The following ARHGAP15 variants were observed in gnomAD, a reference collection of about 807,000 sequenced individuals.
ARHGAP15 encodes the protein rho GTPase-activating protein 15.
ARHGAP15 carries 51 observed loss-of-function variants against 63.7 expected under a neutral mutation model. The ratio of observed to expected loss-of-function variants is 0.80; its 90% confidence interval spans 0.64 to 1.01. ARHGAP15 has a LOEUF of 1.01. Ranked by LOEUF, ARHGAP15 falls within the 50% of genes least tolerant of loss-of-function variation. The pLI is 0.00. For missense variants in ARHGAP15, 560 were observed against 564.6 expected (o/e 0.99, Z 0.08); for synonymous variants, 191 against 193.8 (o/e 0.99, Z 0.12).
chr2:143,507,532 C>A (rs1413772609), intron 9 of ARHGAP15, among the ~76,000 whole-genome samples: 1 of 152,162 alleles, frequency 6.6e-6, no homozygotes, highest in African/African-American at 2.4e-5. Flanking sequence ...TCATTTCATT[C>A]TTATTCTCAG....
chr2:143,717,051 A>G (rs1284877630), intron 13 of ARHGAP15, among the ~76,000 whole-genome samples: 1 of 152,208 alleles, frequency 6.6e-6, no homozygotes, highest in Non-Finnish European at 1.5e-5. Flanking sequence ...CCATGTCAAC[A>G]TTTATTAATG....
intron 3 of ARHGAP15, among the ~76,000 whole-genome samples, chr2:143,212,810 A>G (rs1013436689): frequency 1.3e-5 from 2 of 152,230 alleles, no homozygotes; most frequent in East Asian, 1.9e-4. Context: ...AGGCTCCCAG[A>G]ATAACTGATT....
chr2:143,758,018 G>A (rs1007571996), intron 13 of ARHGAP15, among the ~76,000 whole-genome samples: 2 of 152,024 alleles, frequency 1.3e-5, no homozygotes, highest in Non-Finnish European at 2.9e-5. Flanking sequence ...GGATTTCACT[G>A]TAGCATTGTC....
At chr2:143,575,042 A>G (rs369873263) in intron 11 of ARHGAP15, among the ~76,000 whole-genome samples, 3 of 152,158 alleles carry the variant, frequency 2.0e-5, no homozygotes, top group East Asian at 1.9e-4. Context: ...AGATTTTCCA[A>G]TACATGCTAA....
intron 13 of ARHGAP15, among the ~76,000 whole-genome samples, chr2:143,708,241 G>C (rs886512808): frequency 6.6e-6 from 1 of 152,008 alleles, no homozygotes; most frequent in Non-Finnish European, 1.5e-5. Context: ...ATAGTACTTA[G>C]CACCTAAGTA....
chr2:143,355,393 T>A (rs1283320238), intron 6 of ARHGAP15, among the ~76,000 whole-genome samples: 1 of 152,188 alleles, frequency 6.6e-6, no homozygotes, highest in Non-Finnish European at 1.5e-5. Context: ...TTATTACATG[T>A]TCTGAAGTTA....
chr2:143,575,491 C>T (rs1428128533), intron 11 of ARHGAP15, among the ~76,000 whole-genome samples: 1 of 152,116 alleles, frequency 6.6e-6, no homozygotes, highest in Non-Finnish European at 1.5e-5. Context: ...GCATATGACA[C>T]AGCCATGGGG....
At chr2:143,308,855 G>A (rs1315743061) in intron 6 of ARHGAP15, among the ~76,000 whole-genome samples, 3 of 145,540 alleles carry the variant, frequency 2.1e-5, no homozygotes, top group Non-Finnish European at 4.5e-5. Flanking sequence ...GGAAAAAAGG[G>A]CAAACAGATA....
intron 12 of ARHGAP15, among the ~76,000 whole-genome samples, chr2:143,673,752 G>GTA (rs1158257230): frequency 1.8e-4 from 6 of 32,920 alleles, no homozygotes; most frequent in African/African-American, 4.1e-4. Flanking sequence ...GTGTGTGTGT[G>GTA]TGTGTGTATA....
At chr2:143,367,167 T>A (rs138403136) in intron 6 of ARHGAP15, among the ~76,000 whole-genome samples, 26 of 152,184 alleles carry the variant, frequency 1.7e-4, no homozygotes, top group African/African-American at 5.8e-4. Flanking sequence ...ATTCTTTGGG[T>A]AATGTATGTC....
intron 12 of ARHGAP15, among the ~76,000 whole-genome samples, chr2:143,691,906 T>A (rs573584239): frequency 1.3e-5 from 2 of 152,308 alleles, no homozygotes; most frequent in Admixed American, 1.3e-4. Flanking sequence ...CATAGAGCAC[T>A]TCACCAAGTA....
At chr2:143,703,649 A>G in intron 13 of ARHGAP15, 125 bp downstream of exon 13, 1 of 677,666 alleles carries the variant, frequency 1.5e-6, no homozygotes, top group Non-Finnish European at 2.4e-6. Context: ...CTTGTAGCTG[A>G]ACTAGGTCTT....
At chr2:143,542,159 C>T (rs982153908) in intron 10 of ARHGAP15, among the ~76,000 whole-genome samples, 1 of 152,198 alleles carries the variant, frequency 6.6e-6, no homozygotes, top group Admixed American at 6.5e-5. Context: ...GCTTCGTGGG[C>T]GTAGGACCCT....
rs769866472 is a variant in ARHGAP15 at position 143,321,487 on chromosome 2, C to A, written c.474+70887C>A. Among the ~76,000 whole-genome samples the A allele has an allele frequency of 4.5e-4, 68 of 152,248 alleles. 1 individual carries two copies. The highest frequency in any genetic ancestry group is 3.9e-4 in the Admixed American group (6 of 15,290). ...AGGAGAGAGTGCTTACTTCTGGTAA[C>A]TTCCGGGGGAAAGTCCTAAGAGGGC... On this transcript the variant is annotated intron_variant, in intron 6 of 13. Coordinates refer to ENST00000295095, the MANE Select transcript of ARHGAP15 (RefSeq NM_018460.4).
intron 12 of ARHGAP15, among the ~76,000 whole-genome samples, chr2:143,662,307 C>T (rs1303675087): frequency 6.7e-6 from 1 of 150,134 alleles, no homozygotes; most frequent in Non-Finnish European, 1.5e-5. Context: ...CAGGGGCACA[C>T]TGACACCTCA....
intron 12 of ARHGAP15, among the ~76,000 whole-genome samples, chr2:143,652,380 C>A (rs13430960): frequency 2.0e-5 from 3 of 151,792 alleles, no homozygotes; most frequent in African/African-American, 7.3e-5. Context: ...GGAAGTATAC[C>A]GCAGGTCATA....
At chr2:143,136,822 T>C (rs1053904418) in intron 1 of ARHGAP15, among the ~76,000 whole-genome samples, 43 of 152,128 alleles carry the variant, frequency 2.8e-4, no homozygotes, top group African/African-American at 9.2e-4. Flanking sequence ...TTATAAGTGA[T>C]GATTGGAAAT....
intron 6 of ARHGAP15, among the ~76,000 whole-genome samples, chr2:143,409,823 G>T (rs1485601188): frequency 6.6e-6 from 1 of 151,992 alleles, no homozygotes; most frequent in Non-Finnish European, 1.5e-5. Flanking sequence ...TGTGTGGTAG[G>T]CTATACCATC....
At chr2:143,286,065 A>T (rs1682081527) in intron 6 of ARHGAP15, among the ~76,000 whole-genome samples, 2 of 152,178 alleles carry the variant, frequency 1.3e-5, no homozygotes, top group Non-Finnish European at 2.9e-5. Flanking sequence ...TTTTTGAACA[A>T]ACTCTGTTGT....
Sources: gnomAD v4.1 joint callset for allele counts (sites outside exome capture counted in the v4.1 genomes callset) on GRCh38, gnomAD v4.1.1 for gene constraint, MANE v1.5 for transcripts, NCBI Gene and HGNC (gene_info 2026-07-23, HGNC 2026-07-21) for gene names.